NR2F1-AS1: variants seen among roughly 807,000 people sequenced by gnomAD.
NR2F1-AS1 encodes NR2F1 antisense RNA 1.
chr5:93,555,196 C>T (rs1301067269), intron 2 of NR2F1-AS1, among the ~76,000 whole-genome samples: 1 of 152,134 alleles, frequency 6.6e-6, no homozygotes, highest in Admixed American at 6.6e-5. Context: ...CCAATTTCTA[C>T]AACGCCTAGC....
chr5:93,417,729 C>T (rs901687095), intron 4 of NR2F1-AS1, among the ~76,000 whole-genome samples: 1 of 152,190 alleles, frequency 6.6e-6, no homozygotes, highest in South Asian at 2.1e-4. Flanking sequence ...GCTACTCATG[C>T]TGCACTTGTT....
intron 2 of NR2F1-AS1, among the ~76,000 whole-genome samples, chr5:93,559,142 T>C (rs1159012563): frequency 6.6e-6 from 1 of 152,248 alleles, no homozygotes; most frequent in Non-Finnish European, 1.5e-5. Context: ...TGTTGTTTGT[T>C]GTAACCACTT....
chr5:93,444,544 A>C (rs1749650448), intron 4 of NR2F1-AS1, among the ~76,000 whole-genome samples: 1 of 152,230 alleles, frequency 6.6e-6, no homozygotes, highest in South Asian at 2.1e-4. Flanking sequence ...ACCCAGATTC[A>C]TAAAGTAAGT....
intron 4 of NR2F1-AS1, among the ~76,000 whole-genome samples, chr5:93,552,945 T>G (rs1293219917): frequency 6.6e-6 from 1 of 152,100 alleles, no homozygotes; most frequent in Admixed American, 6.6e-5. Context: ...GAACTGCAGA[T>G]AGCTATGTAG....
At chr5:93,524,659 T>C (rs1328741148) in intron 4 of NR2F1-AS1, among the ~76,000 whole-genome samples, 1 of 152,132 alleles carries the variant, frequency 6.6e-6, no homozygotes, top group East Asian at 1.9e-4. Context: ...AGCAGATCTC[T>C]CTGCAGAAAC....
chr5:93,497,412 C>G (rs1389445921), intron 4 of NR2F1-AS1, among the ~76,000 whole-genome samples: 1 of 152,170 alleles, frequency 6.6e-6, no homozygotes, highest in East Asian at 1.9e-4. Context: ...ACCCAGCTGT[C>G]AATCTTTCCA....
chr5:93,485,382 G>A (rs1044079316), intron 4 of NR2F1-AS1, among the ~76,000 whole-genome samples: 1 of 152,026 alleles, frequency 6.6e-6, no homozygotes, highest in African/African-American at 2.4e-5. Context: ...ACAAAATTAA[G>A]GCAGAAATAA....
chr5:93,494,577 T>C (rs1440958026), intron 4 of NR2F1-AS1, among the ~76,000 whole-genome samples: 7 of 152,234 alleles, frequency 4.6e-5, no homozygotes, highest in African/African-American at 1.7e-4. Flanking sequence ...ATCACGCCAC[T>C]GCACTCCAGC....
chr5:93,537,513 T>C (rs774620746), intron 4 of NR2F1-AS1, among the ~76,000 whole-genome samples: 11 of 152,096 alleles, frequency 7.2e-5, no homozygotes, highest in Non-Finnish European at 1.0e-4. Context: ...TAGACATTTC[T>C]CAAAAGACAA....
intron 4 of NR2F1-AS1, among the ~76,000 whole-genome samples, chr5:93,468,503 T>C (rs1224538362): frequency 2.0e-5 from 3 of 152,254 alleles, no homozygotes; most frequent in Admixed American, 6.5e-5. Context: ...GGTTGTTTTT[T>C]TCTTGTAAAG....
intron 4 of NR2F1-AS1, among the ~76,000 whole-genome samples, chr5:93,504,268 C>T (rs984650805): frequency 3.3e-5 from 5 of 152,058 alleles, no homozygotes; most frequent in Non-Finnish European, 7.4e-5. Flanking sequence ...TAAAACTGCA[C>T]TAAGACTTTT....
chr5:93,417,486 C>A (rs757093844), intron 4 of NR2F1-AS1, among the ~76,000 whole-genome samples: 1 of 152,194 alleles, frequency 6.6e-6, no homozygotes, highest in Non-Finnish European at 1.5e-5. Flanking sequence ...ACAACCAATT[C>A]AATCTTACAA....
At chr5:93,456,909 C>T (rs910806059) in intron 4 of NR2F1-AS1, among the ~76,000 whole-genome samples, 1 of 152,094 alleles carries the variant, frequency 6.6e-6, no homozygotes, top group Non-Finnish European at 1.5e-5. Flanking sequence ...GAAAAAGGTG[C>T]TGTGCTTTTA....
At chr5:93,568,875 C>T (rs993479723) in intron 1 of NR2F1-AS1, among the ~76,000 whole-genome samples, 2 of 152,136 alleles carry the variant, frequency 1.3e-5, no homozygotes, top group African/African-American at 4.8e-5. Flanking sequence ...GAACAACAGC[C>T]ATGTAAATAA....
intron 4 of NR2F1-AS1, among the ~76,000 whole-genome samples, chr5:93,528,376 C>A (rs1037745999): frequency 6.6e-6 from 1 of 152,154 alleles, no homozygotes; most frequent in African/African-American, 2.4e-5. Context: ...GTTAGAATGG[C>A]AGTCATTAAA....
chr5:93,410,636 T>A (rs1255644716), intron 4 of NR2F1-AS1: 1 of 152,064 alleles, frequency 6.6e-6, no homozygotes, highest in Non-Finnish European at 1.5e-5. Flanking sequence ...CCCCACACCA[T>A]CCACAGAAAA....
At chr5:93,432,724 T>C (rs1749352296) in intron 4 of NR2F1-AS1, among the ~76,000 whole-genome samples, 1 of 152,230 alleles carries the variant, frequency 6.6e-6, no homozygotes, top group Non-Finnish European at 1.5e-5. Context: ...ACCCTGCCTG[T>C]ACGCTGCCTA....
chr5:93,416,183 C>T (rs192207106), intron 4 of NR2F1-AS1, among the ~76,000 whole-genome samples: 2 of 152,164 alleles, frequency 1.3e-5, no homozygotes, highest in Admixed American at 1.3e-4. Context: ...GCCTTTCTCT[C>T]CCAATGAATG....
chr5:93,524,977 A>G (rs905159329), intron 4 of NR2F1-AS1, among the ~76,000 whole-genome samples: 1 of 152,250 alleles, frequency 6.6e-6, no homozygotes, highest in African/African-American at 2.4e-5. Context: ...AGCTAGCATC[A>G]TAACGACAGG....
Sources: gnomAD v4.1 joint callset for allele counts (sites outside exome capture counted in the v4.1 genomes callset) on GRCh38, gnomAD v4.1.1 for gene constraint, MANE v1.5 for transcripts, NCBI Gene and HGNC (gene_info 2026-07-23, HGNC 2026-07-21) for gene names.